The following POLG2 variants were observed in gnomAD, a reference collection of about 807,000 sequenced individuals.
POLG2 encodes the protein DNA polymerase subunit gamma-2.
In POLG2, 50 loss-of-function variants were observed where a neutral mutation model predicts 56.5. The ratio of observed to expected loss-of-function variants is 0.88; its 90% CI spans 0.71 to 1.12. POLG2 has a LOEUF of 1.12. Among genes scored for constraint, POLG2 ranks in the 50% most tolerant of loss-of-function variants. The pLI is 0.00. For missense variants in POLG2, 584 were observed against 583.3 expected (o/e 1.00, Z -0.01); for synonymous variants, 226 against 222.6 (o/e 1.02, Z -0.14).
rs1010004109 is a variant in POLG2, at chr17:64,486,665, C to T, written c.970-797G>A. 2.5e-4 allele frequency among the ~76,000 whole-genome samples: 38 copies of T among 151,850 alleles called. 2 individuals carry two copies. The highest frequency in any genetic ancestry group is 3.4e-3 in the Middle Eastern group (1 of 294). On this transcript the variant is annotated intron_variant, in intron 4 of 7. Coordinates refer to ENST00000539111, the MANE Select transcript of POLG2 (RefSeq NM_007215.4). ...AGGCGTGAGCCACTGCGCCCTACCT[C>T]GAAAGGTAACACTTTTAAGTAAAAA... is the stretch of plus-strand genomic sequence containing the variant.
Position 64,483,007 on chromosome 17 carries a change from A to C in POLG2, c.1111-8T>G. 6.7e-7 allele frequency: 1 copy of C among 1,502,600 alleles called. No individual in the cohort carries two copies. The highest frequency in any genetic ancestry group is 9.2e-7 in the Non-Finnish European group (1 of 1,081,758). The allele number at this position is 1,502,600 out of a possible 1,614,324, so 93.1% of individuals were successfully genotyped here. ...AGGGTGAAGTTTAAGTACCTAAGGCAATTAAATGGGGGAGGGAGAAGACAG... is the reference window on the plus strand; with the variant it reads ...AGGGTGAAGTTTAAGTACCTAAGGCCATTAAATGGGGGAGGGAGAAGACAG... On this transcript the variant is annotated splice_polypyrimidine_tract_variant and splice_region_variant and intron_variant, in intron 5 of 7. Transcript: ENST00000539111.
At position 64,480,378 on chromosome 17, in the gene POLG2, C is replaced by A. The variant is rs61751982; in HGVS notation, c.1203G>T (p.Gly401=). The change falls in exon 7 of 8, where the codon GGG becomes GGT. Residue 401 remains glycine (G), a synonymous_variant. Transcript: ENST00000539111. ...PTLELRQVCQ[G]LFNELLENGI... Reference sequence around the variant, plus strand: ...CATTTTCTAGTAACTCATTAAATAGCCCTTGACAAACCTAGAAAGAAATAG... The same window carrying A: ...CATTTTCTAGTAACTCATTAAATAGACCTTGACAAACCTAGAAAGAAATAG... The A allele has an allele frequency of 7.7e-6, 12 of 1,553,134 alleles. No homozygotes were observed. The highest frequency in any genetic ancestry group is 1.1e-5 in the Non-Finnish European group (12 of 1,126,908).
At chr17:64,483,048 A>C (rs932019929) in intron 5 of POLG2, 49 bp from the exon 6 acceptor site, 2 of 927,248 alleles carry the variant, frequency 2.2e-6, no homozygotes, top group Non-Finnish European at 3.5e-6. Context: ...GGGAAAAAGC[A>C]TAGTTTGTTT....
chr17:64,481,828 TCGTGCC>T (rs1555666526), intron 6 of POLG2, among the ~76,000 whole-genome samples: 3 of 151,744 alleles, frequency 2.0e-5, no homozygotes, highest in Admixed American at 6.6e-5. Flanking sequence ...TGAGCCGAGA[TCGTGCC>T]ACTGCACTCC....
At chr17:64,480,605 T>C (rs2037841919) in intron 6 of POLG2, among the ~76,000 whole-genome samples, 1 of 152,222 alleles carries the variant, frequency 6.6e-6, no homozygotes, top group East Asian at 1.9e-4. Context: ...CAAAGCTGAA[T>C]ACTAAATGCC....
At chr17:64,495,493 C>A (rs1230121433) in intron 1 of POLG2, among the ~76,000 whole-genome samples, 1 of 152,006 alleles carries the variant, frequency 6.6e-6, no homozygotes, top group Non-Finnish European at 1.5e-5. Context: ...GTGGGAGGTT[C>A]ACTTGAGCCC....
intron 1 of POLG2, 93 bp downstream of exon 1, chr17:64,496,314 A>G: frequency 1.3e-6 from 1 of 772,730 alleles, no homozygotes; most frequent in South Asian, 1.7e-5. Flanking sequence ...CTTGCATGGG[A>G]ATACAGGGCC....
At chr17:64,489,195 A>G (rs1431104918) in intron 4 of POLG2, among the ~76,000 whole-genome samples, 1 of 151,786 alleles carries the variant, frequency 6.6e-6, no homozygotes, top group Non-Finnish European at 1.5e-5. Context: ...GGCCAAGTCT[A>G]GGACAATTTG....
chr17:64,479,386 T>C (rs1253988529), intron 7 of POLG2, among the ~76,000 whole-genome samples: 1 of 152,022 alleles, frequency 6.6e-6, no homozygotes, highest in Non-Finnish European at 1.5e-5. Flanking sequence ...GGTTTTGCTA[T>C]GTTGGCCAGG....
At chr17:64,481,184 GACTGAGCT>G in intron 6 of POLG2, 2 of 671,300 alleles carry the variant, frequency 3.0e-6, no homozygotes, top group Non-Finnish European at 3.7e-6. Context: ...ACTAAATGGT[GACTGAGCT>G]ACAGCATCCT....
intron 4 of POLG2, 107 bp downstream of exon 4, chr17:64,490,689 A>G: frequency 2.4e-6 from 2 of 823,144 alleles, no homozygotes; most frequent in Non-Finnish European, 4.2e-6. Context: ...TGAAAAATAC[A>G]CAATGAAGTG....
At chr17:64,492,548 A>T (rs1555668692) in intron 3 of POLG2, 119 bp downstream of exon 3, 3 of 668,974 alleles carry the variant, frequency 4.5e-6, no homozygotes, top group African/African-American at 1.9e-5. Flanking sequence ...TTGTATTTGT[A>T]TAATATATTA....
intron 3 of POLG2, chr17:64,491,621 C>G: frequency 6.6e-7 from 1 of 1,521,376 alleles, no homozygotes; most frequent in South Asian, 1.1e-5. Context: ...GCCCTAGTGG[C>G]CTTGATGGAG....
At chr17:64,491,623 T>G in intron 3 of POLG2, 1 of 1,518,546 alleles carries the variant, frequency 6.6e-7, no homozygotes, top group Non-Finnish European at 9.1e-7. Context: ...CCTAGTGGCC[T>G]TGATGGAGCG....
At chr17:64,494,128 A>G (rs1467798393) in intron 1 of POLG2, among the ~76,000 whole-genome samples, 2 of 152,176 alleles carry the variant, frequency 1.3e-5, no homozygotes, top group African/African-American at 2.4e-5. Flanking sequence ...TGAATCTAGA[A>G]CATTTCCCTT....
rs1555668353 is a variant in POLG2 at position 64,490,892 on chromosome 17, G to C, written c.873C>G (p.Tyr291Ter). The C allele has an allele frequency of 6.2e-7, 1 of 1,613,660 alleles. No individual in the cohort carries two copies. The highest frequency in any genetic ancestry group is 8.5e-7 in the Non-Finnish European group (1 of 1,179,596). Residue 291 changes from tyrosine to a stop codon, truncating the protein, a stop_gained, in exon 4 of 8, where the codon TAC becomes TAG. Transcript: ENST00000539111. LOFTEE classifies it high-confidence loss of function. ...TTAACTCCTTTCCCCAGGGAAAATT[G>C]TAGTAAAGTTTGTTTCCTTTCCGGC... ...EEGRKGNKLY[Y>*]NFPWGKELIE...
chr17:64,481,414 C>A, intron 6 of POLG2: 1 of 985,306 alleles, frequency 1.0e-6, no homozygotes, highest in Non-Finnish European at 1.2e-6. Context: ...GTCTCAATCA[C>A]CCAGACAGAA....
chr17:64,484,494 T>C (rs73993942), intron 5 of POLG2, among the ~76,000 whole-genome samples: 3,626 of 152,250 alleles, frequency 0.024, 151 homozygotes, highest in African/African-American at 0.084. Flanking sequence ...GAAGCTTTCC[T>C]GGAGTGTTCT....
At chr17:64,489,809 T>C (rs1287088063) in intron 4 of POLG2, among the ~76,000 whole-genome samples, 2 of 152,026 alleles carry the variant, frequency 1.3e-5, no homozygotes, top group African/African-American at 2.4e-5. Context: ...TAGTAACTGA[T>C]CTGGGCAAGA....
Sources: allele counts gnomAD v4.1 joint callset (sites outside exome capture counted in the v4.1 genomes callset), GRCh38; gene constraint gnomAD v4.1.1; transcripts MANE v1.5; gene names NCBI Gene and HGNC (gene_info 2026-07-23, HGNC 2026-07-21).